BROX: variants seen among roughly 807,000 people sequenced by gnomAD.
BROX encodes the protein BRO1 domain-containing protein BROX.
In BROX, 53 loss-of-function variants were observed where a neutral mutation model predicts 61.0. The ratio of observed to expected loss-of-function variants is 0.87; its 90% CI spans 0.70 to 1.09. BROX has a LOEUF of 1.09. Among genes scored for constraint, BROX ranks in the 50% least tolerant of loss-of-function variants. The probability of loss-of-function intolerance (pLI) is 0.00; values close to 1 mark genes in which losing one functional copy is unlikely to be tolerated. For missense variants in BROX, 489 were observed against 472.0 expected, an observed-to-expected ratio of 1.04 and a Z score of -0.33; for synonymous variants, 152 against 160.2, an observed-to-expected ratio of 0.95 and a Z score of 0.38.
In BROX at chr1:222,712,888, G is replaced by A; in HGVS notation, c.-71G>A. 8.0e-7 allele frequency: 1 copy of A among 1,249,326 alleles called. No individual in the cohort carries two copies. Among genetic ancestry groups the A allele is most frequent in the South Asian group, 1.3e-5 (1 of 76,050 alleles). The allele number at this position is 1,249,326 out of a possible 1,614,324, so 77.4% of individuals were successfully genotyped here. ...CCTCTTTTTCTCGCTTGTGGACTCC[G>A]ATATATTGCCCTTCTTCCCTTAGAA... On this transcript the variant is annotated 5_prime_UTR_variant, in exon 1 of 13. Transcript: ENST00000340934.
intron 1 of BROX, chr1:222,713,529 G>A (rs1656249065): frequency 5.2e-6 from 4 of 769,264 alleles, no homozygotes; most frequent in Non-Finnish European, 6.3e-6. Flanking sequence ...TTGTATTGGT[G>A]GCTCTAAAGG....
Position 222,712,802 on chromosome 1 carries a change from C to T in BROX, c.-157C>T, listed in dbSNP as rs887518670. ...ATCATGGCCGCCGGGTCACGTGACT[C>T]CGGCTTGGCGCCGTCCTGGTTTTCC... On this transcript the variant is annotated 5_prime_UTR_variant, in exon 1 of 13. Transcript: ENST00000340934. 1.8e-5 allele frequency: 23 copies of T among 1,288,934 alleles called. No homozygotes were observed. The highest frequency in any genetic ancestry group is 2.2e-5 in the Non-Finnish European group (22 of 988,716). The allele number at this position is 1,288,934 out of a possible 1,614,324, so 79.8% of individuals were successfully genotyped here.
At chr1:222,716,999 A>G (rs576461781) in intron 2 of BROX, among the ~76,000 whole-genome samples, 9 of 152,344 alleles carry the variant, frequency 5.9e-5, no homozygotes, top group Non-Finnish European at 1.0e-4. Flanking sequence ...GGTGGTACCA[A>G]TAAAGGAAAA....
Position 222,728,791 on chromosome 1 carries a change from A to C in BROX, c.719A>C (p.Lys240Thr). The change falls in exon 9 of 13, where the codon AAA becomes ACA. Residue 240 changes from lysine (K) to threonine (T), a missense_variant. Lys to Thr is a moderately conservative substitution (Grantham distance 78). Coordinates refer to ENST00000340934, the MANE Select transcript of BROX (RefSeq NM_144695.4). The stretch of plus-strand genomic sequence containing the variant: ...CCTGCATATTCTGCCAAATGGAGAA[A>C]ATATCTTCACTTGAAGATGTGTTTC... ...LEPAYSAKWR[K>T]YLHLKMCFYT... 6.2e-7 allele frequency: 1 copy of C among 1,603,100 alleles called. No homozygotes were observed. Among genetic ancestry groups the C allele is most frequent in the Non-Finnish European group, 8.5e-7 (1 of 1,171,800 alleles).
intron 1 of BROX, chr1:222,713,360 G>A (rs902415315): frequency 2.0e-6 from 2 of 985,538 alleles, no homozygotes; most frequent in Non-Finnish European, 2.4e-6. Flanking sequence ...GGCACGGGAG[G>A]AAGAGGCTGG....
chr1:222,724,933 A>G (rs868590274), intron 6 of BROX, among the ~76,000 whole-genome samples: 48 of 152,046 alleles, frequency 3.2e-4, no homozygotes, highest in Admixed American at 3.1e-3. Context: ...AGCTGGGATT[A>G]TAGGTGCCTG....
chr1:222,716,203 A>G (rs537714189), intron 2 of BROX, among the ~76,000 whole-genome samples: 1 of 152,122 alleles, frequency 6.6e-6, no homozygotes, highest in Non-Finnish European at 1.5e-5. Flanking sequence ...GGTTCAAGCA[A>G]TTCTTTTGCC....
rs1459995980 is a variant in BROX at position 222,732,746 on chromosome 1, G to C, written c.*32G>C. The stretch of plus-strand genomic sequence containing the variant: ...ACTTGCACTTAGAATTTCTCTAGCA[G>C]TAAATAAGATAAACCACAGAATTTC... On this transcript the variant is annotated 3_prime_UTR_variant, in exon 13 of 13. Transcript: ENST00000340934. 1.3e-6 allele frequency: 2 copies of C among 1,514,678 alleles called. No individual in the cohort carries two copies. The highest frequency in any genetic ancestry group is 4.6e-5 in the East Asian group (2 of 43,838). 93.8% of individuals were successfully genotyped at this position (1,514,678 alleles called of 1,614,324 possible). A position where few individuals can be genotyped will look rare whatever the true frequency, so the allele number is the denominator to read the frequency against.
Position 222,712,731 on chromosome 1 carries a change from C to G in BROX, c.-228C>G. The G allele has an allele frequency of 7.7e-7, 1 of 1,290,424 alleles. No individual in the cohort carries two copies. 79.9% of individuals were successfully genotyped at this position (1,290,424 alleles called of 1,614,324 possible). On this transcript the variant is annotated 5_prime_UTR_variant, in exon 1 of 13. Transcript: ENST00000340934. Reference sequence around the variant, plus strand: ...GCGTTTTGAGGGGACTGCAACGCCGCGGCAATACCCGCCCCTGAGCTGCGC... The same window carrying G: ...GCGTTTTGAGGGGACTGCAACGCCGGGGCAATACCCGCCCCTGAGCTGCGC...
At chr1:222,724,923 A>G (rs999072592) in intron 6 of BROX, among the ~76,000 whole-genome samples, 1 of 151,948 alleles carries the variant, frequency 6.6e-6, no homozygotes, top group Non-Finnish European at 1.5e-5. Context: ...CCTCCCGAGT[A>G]GCTGGGATTA....
At chr1:222,718,029 A>C (rs1571964909) in intron 2 of BROX, 1 of 152,204 alleles carries the variant, frequency 6.6e-6, no homozygotes, top group East Asian at 1.9e-4. Flanking sequence ...TTGGAACTGG[A>C]ATAGAACCAA....
chr1:222,722,494 A>G lies in BROX; in HGVS notation c.381A>G (p.Ser127=), dbSNP rs746981916. 6.2e-7 allele frequency: 1 copy of G among 1,612,280 alleles called. No individual in the cohort carries two copies. The highest frequency in any genetic ancestry group is 1.1e-5 in the South Asian group (1 of 91,014). Residue 127 remains serine, a synonymous_variant, in exon 5 of 13, where the codon TCA becomes TCG. Transcript: ENST00000340934. ...CTTTATGGTATACCAAATATGCTTC[A>G]AGACTGGCTGGAAAAGAAAAGTAAG... The part of the protein sequence containing the change: ...NVALWYTKYA[S]RLAGKENITE...
chr1:222,732,500 T>C, intron 12 of BROX, 128 bp from the exon 13 acceptor site: 2 of 627,644 alleles, frequency 3.2e-6, no homozygotes, highest in South Asian at 4.4e-5. Flanking sequence ...TTTCTGGAAA[T>C]AGCTTTGTCA....
At chr1:222,722,538 G>A (rs201373739) in intron 5 of BROX, 24 bp downstream of exon 5, 109 of 1,466,806 alleles carry the variant, frequency 7.4e-5, no homozygotes, top group Middle Eastern at 1.8e-4. Context: ...AGAGGATTGT[G>A]TACATCTGTG....
intron 2 of BROX, among the ~76,000 whole-genome samples, chr1:222,716,085 T>TTTTTTATTTTTA (rs201484494): frequency 6.6e-6 from 1 of 151,358 alleles, no homozygotes; most frequent in Admixed American, 6.6e-5. Flanking sequence ...GACATTTTTA[T>TTTTTTATTTTTA]TTTTTATTTT....
chr1:222,724,069 C>G, intron 5 of BROX, 23 bp from the exon 6 acceptor site: 1 of 1,550,918 alleles, frequency 6.4e-7, no homozygotes, highest in Non-Finnish European at 8.8e-7. Context: ...CATCCTCTAA[C>G]TAATGTAACC....
Position 222,725,439 on chromosome 1 carries a change from G to T in BROX, c.475-11G>T, listed in dbSNP as rs1311995727. ...TGCTTTGTTTTTTGTCTTTTTTGTT[G>T]TTGTTCTCAGGAAAGTCATCTCCCA... On this transcript the variant is annotated splice_polypyrimidine_tract_variant and intron_variant, in intron 6 of 12. Coordinates refer to ENST00000340934, the MANE Select transcript of BROX (RefSeq NM_144695.4). 1 of 1,562,466 alleles carries T rather than the reference G, an allele frequency of 6.4e-7. No homozygotes were observed. Among genetic ancestry groups the T allele is most frequent in the Non-Finnish European group, 8.7e-7 (1 of 1,153,968 alleles).
chr1:222,716,602 G>A (rs992548638), intron 2 of BROX, among the ~76,000 whole-genome samples: 3 of 152,192 alleles, frequency 2.0e-5, no homozygotes, highest in Admixed American at 6.5e-5. Context: ...TATAAATAAA[G>A]TTTTATTGGA....
intron 4 of BROX, among the ~76,000 whole-genome samples, chr1:222,721,587 G>T (rs1429004217): frequency 6.6e-6 from 1 of 151,850 alleles, no homozygotes; most frequent in Non-Finnish European, 1.5e-5. Context: ...AAATTTTCAG[G>T]TTCTTCTAAG....
Sources: allele counts gnomAD v4.1 joint callset (sites outside exome capture counted in the v4.1 genomes callset), GRCh38; gene constraint gnomAD v4.1.1; transcripts MANE v1.5; gene names NCBI Gene and HGNC (gene_info 2026-07-23, HGNC 2026-07-21).